LMBR1: variants seen among roughly 807,000 people sequenced by gnomAD.
LMBR1 encodes the protein limb region 1 protein homolog.
A neutral mutation model predicts 73.9 loss-of-function variants in LMBR1; 52 were observed. That is an observed-to-expected ratio of 0.70 (90% CI 0.56 to 0.89). The LOEUF is 0.89. Among genes scored for constraint, LMBR1 ranks in the 40% least tolerant of loss-of-function variants. The pLI, the probability that LMBR1 is intolerant of heterozygous loss-of-function variation, is 0.00. For missense variants in LMBR1, 539 were observed against 579.8 expected (o/e 0.93, Z 0.72); for synonymous variants, 215 against 209.4 (o/e 1.03, Z -0.23).
intron 5 of LMBR1, among the ~76,000 whole-genome samples, chr7:156,792,029 T>C (rs185597562): frequency 6.8e-4 from 103 of 152,334 alleles, no homozygotes; most frequent in African/African-American, 2.3e-3. Context: ...AAATAAGATG[T>C]TAAGATATAA....
chr7:156,688,126 C>T lies in LMBR1; in HGVS notation c.1291G>A (p.Val431Ile), dbSNP rs1022907818. ...GCAAAAAGCAAATTGTAGGATAATA[C>T]AATATAGAAATTTCCCAGCCAATTA... ...RFNWLGNFYIVLSYNLLFAIV... is the reference protein window; with the variant it reads ...RFNWLGNFYIILSYNLLFAIV... Residue 431 changes from valine (V) to isoleucine (I), a missense_variant, in exon 16 of 17, where the codon GTA becomes ATA. Around this residue, in one of 3 missense-constraint regions of LMBR1, gnomAD observed 69 missense variants for 68.5 expected, o/e 1.01. Transcript: ENST00000353442. The T allele has an allele frequency of 9.3e-6, 15 of 1,611,218 alleles. No individual in the cohort carries two copies. The highest frequency in any genetic ancestry group is 1.3e-5 in the Non-Finnish European group (15 of 1,178,914).
chr7:156,764,900 C>G (rs1280888912), intron 5 of LMBR1, among the ~76,000 whole-genome samples: 1 of 152,146 alleles, frequency 6.6e-6, no homozygotes, highest in Non-Finnish European at 1.5e-5. Context: ...CTTTTTCTTA[C>G]TAGTCCTTCA....
At chr7:156,869,635 ATGGCAG>A (rs1315424774) in intron 1 of LMBR1, among the ~76,000 whole-genome samples, 3 of 152,202 alleles carry the variant, frequency 2.0e-5, no homozygotes, top group African/African-American at 7.2e-5. Flanking sequence ...AAACAACAAA[ATGGCAG>A]TAGTAAAATT....
chr7:156,760,183 G>A (rs1822705593), intron 8 of LMBR1, among the ~76,000 whole-genome samples: 2 of 152,252 alleles, frequency 1.3e-5, no homozygotes, highest in African/African-American at 2.4e-5. Context: ...ACTTTAAAAT[G>A]GAGAATCGAA....
chr7:156,815,323 C>T (rs1419618036), intron 4 of LMBR1, among the ~76,000 whole-genome samples: 1 of 151,552 alleles, frequency 6.6e-6, no homozygotes, highest in Non-Finnish European at 1.5e-5. Flanking sequence ...AAAATTTAAC[C>T]AGCAAAACCT....
chr7:156,839,923 G>A (rs888590512), intron 1 of LMBR1, among the ~76,000 whole-genome samples: 2 of 152,214 alleles, frequency 1.3e-5, no homozygotes, highest in African/African-American at 4.8e-5. Context: ...TCTTGGAGAA[G>A]AAATGTAAAT....
intron 4 of LMBR1, among the ~76,000 whole-genome samples, chr7:156,808,567 CATTTA>C (rs567018103): frequency 2.6e-5 from 4 of 152,178 alleles, no homozygotes; most frequent in Non-Finnish European, 5.9e-5. Flanking sequence ...TAGAACATTA[CATTTA>C]AAGTGATTAT....
chr7:156,765,214 G>A (rs538205277), intron 5 of LMBR1, among the ~76,000 whole-genome samples: 2 of 152,258 alleles, frequency 1.3e-5, no homozygotes, highest in South Asian at 2.1e-4. Flanking sequence ...ATCTCATCTC[G>A]AATTGTAATT....
intron 4 of LMBR1, among the ~76,000 whole-genome samples, chr7:156,805,312 G>A (rs1316257364): frequency 6.6e-6 from 1 of 150,932 alleles, no homozygotes; most frequent in African/African-American, 2.4e-5. Flanking sequence ...CGCCTCCCAG[G>A]TTCAAGCGAT....
At chr7:156,761,212 T>C (rs1822922763) in intron 8 of LMBR1, among the ~76,000 whole-genome samples, 1 of 152,182 alleles carries the variant, frequency 6.6e-6, no homozygotes, top group African/African-American at 2.4e-5. Context: ...AACATGTAAG[T>C]AGTTTACTCT....
intron 9 of LMBR1, among the ~76,000 whole-genome samples, chr7:156,755,078 TTAG>T (rs1343005569): frequency 6.6e-6 from 1 of 152,214 alleles, no homozygotes; most frequent in Non-Finnish European, 1.5e-5. Context: ...ATACTTAGCA[TTAG>T]TTATCATAAC....
chr7:156,819,305 A>G (rs999922622), intron 4 of LMBR1, among the ~76,000 whole-genome samples: 1 of 152,240 alleles, frequency 6.6e-6, no homozygotes, highest in Non-Finnish European at 1.5e-5. Context: ...GCACATACAA[A>G]AAAAAGCATT....
At chr7:156,767,526 C>CT (rs1419816503) in intron 5 of LMBR1, among the ~76,000 whole-genome samples, 4 of 151,778 alleles carry the variant, frequency 2.6e-5, no homozygotes, top group African/African-American at 9.7e-5. Context: ...TAATATTTCA[C>CT]TTTTTACTGA....
chr7:156,840,964 C>CAAA (rs57968006), intron 1 of LMBR1, among the ~76,000 whole-genome samples: 16 of 71,382 alleles, frequency 2.2e-4, no homozygotes, highest in African/African-American at 3.8e-4. Flanking sequence ...GACTCGGTCT[C>CAAA]AAAAAAAAAA....
At chr7:156,862,856 C>T (rs75489879) in intron 1 of LMBR1, among the ~76,000 whole-genome samples, 4,254 of 152,286 alleles carry the variant, frequency 0.028, 205 homozygotes, top group African/African-American at 0.097. Flanking sequence ...TGCCTTTGGA[C>T]TCATATTCAA....
At chr7:156,816,977 A>AAGGG (rs1563437538) in intron 4 of LMBR1, among the ~76,000 whole-genome samples, 3 of 152,198 alleles carry the variant, frequency 2.0e-5, no homozygotes, top group Admixed American at 6.5e-5. Flanking sequence ...AAAATTACAT[A>AAGGG]TTTCCATATA....
intron 4 of LMBR1, chr7:156,823,933 C>A (rs1284116833): frequency 6.6e-6 from 1 of 151,926 alleles, no homozygotes; most frequent in Non-Finnish European, 1.5e-5. Context: ...ACTAAAAATA[C>A]AAAAAAATTA....
chr7:156,696,165 G>T (rs1015409891), intron 15 of LMBR1, among the ~76,000 whole-genome samples: 2 of 152,150 alleles, frequency 1.3e-5, no homozygotes, highest in Non-Finnish European at 2.9e-5. Context: ...AGATTTAGTA[G>T]ATTATGACAT....
downstream of LMBR1, among the ~76,000 whole-genome samples, chr7:156,677,448 GCCCC>G (rs1804277748): frequency 6.6e-6 from 1 of 152,130 alleles, no homozygotes; most frequent in South Asian, 2.1e-4. Flanking sequence ...AGTCTCCTTT[GCCCC>G]CGAGTCCCCA....
Sources: gnomAD v4.1 joint callset for allele counts (sites outside exome capture counted in the v4.1 genomes callset) on GRCh38, gnomAD v4.1.1 for gene constraint, gnomAD v4.1.1 regional missense constraint, MANE v1.5 for transcripts, NCBI Gene and HGNC (gene_info 2026-07-23, HGNC 2026-07-21) for gene names.